Variants in SLC26A7 observed in about 807,000 individuals in gnomAD.
SLC26A7 encodes the protein solute carrier family 26 member 7, also known as anion exchange transporter.
SLC26A7 carries 59 observed loss-of-function variants against 82.5 expected under a neutral mutation model. The observed-to-expected ratio is 0.72, with a 90% CI of 0.58 to 0.89. The LOEUF (loss-of-function observed/expected upper bound fraction) is 0.89. Ranked by LOEUF, SLC26A7 falls within the 40% of genes least tolerant of loss-of-function variation. The pLI is 0.00. For synonymous variants in SLC26A7, 271 were observed against 274.3 expected (o/e 0.99, Z 0.12); for missense variants, 820 against 793.0 (o/e 1.03, Z -0.41).
chr8:91,327,919 A>G (rs1183624943), intron 5 of SLC26A7, among the ~76,000 whole-genome samples: 5 of 152,130 alleles, frequency 3.3e-5, no homozygotes, highest in Non-Finnish European at 2.9e-5. Flanking sequence ...TGTATTCATC[A>G]TTACTAGTGA....
intron 5 of SLC26A7, among the ~76,000 whole-genome samples, chr8:91,327,696 T>A (rs2130821289): frequency 6.6e-6 from 1 of 152,310 alleles, no homozygotes; most frequent in South Asian, 2.1e-4. Context: ...TACCTACTAT[T>A]AAAATAGTGT....
intron 2 of SLC26A7, among the ~76,000 whole-genome samples, chr8:91,251,522 A>G (rs1387666120): frequency 2.0e-5 from 3 of 152,104 alleles, no homozygotes; most frequent in African/African-American, 2.4e-5. Flanking sequence ...TTTAAAAACA[A>G]TTTTCTCAAA....
intron 15 of SLC26A7, among the ~76,000 whole-genome samples, chr8:91,381,899 C>G (rs1441883325): frequency 1.3e-5 from 2 of 152,100 alleles, no homozygotes. Context: ...ATTTTTACTT[C>G]TGTGACTCTG....
chr8:91,383,408 A>AC (rs921394118), intron 15 of SLC26A7, among the ~76,000 whole-genome samples: 2 of 152,152 alleles, frequency 1.3e-5, no homozygotes, highest in African/African-American at 4.8e-5. Flanking sequence ...GGTTTTGGGG[A>AC]CTACAGAATA....
chr8:91,334,253 G>C (rs756010235), intron 5 of SLC26A7, 42 bp from the exon 6 acceptor site: 4 of 1,567,724 alleles, frequency 2.6e-6, no homozygotes, highest in Non-Finnish European at 3.5e-6. Flanking sequence ...GTATATTATA[G>C]GTGACCCTGA....
chr8:91,288,606 T>A (rs1811774606), intron 2 of SLC26A7, among the ~76,000 whole-genome samples: 1 of 96,408 alleles, frequency 1.0e-5, no homozygotes, highest in South Asian at 3.9e-4. Context: ...ATGGGTTTAT[T>A]CATCGGCCCT....
At chr8:91,306,181 A>G (rs554957427) in intron 4 of SLC26A7, among the ~76,000 whole-genome samples, 1 of 152,190 alleles carries the variant, frequency 6.6e-6, no homozygotes, top group South Asian at 2.1e-4. Flanking sequence ...TCCTTTTTGA[A>G]TGCTTTCTAA....
intron 2 of SLC26A7, among the ~76,000 whole-genome samples, chr8:91,228,262 A>T (rs1423825563): frequency 6.6e-6 from 1 of 152,242 alleles, no homozygotes; most frequent in African/African-American, 2.4e-5. Context: ...TTAATACGAC[A>T]GCACGGTAGT....
intron 12 of SLC26A7, among the ~76,000 whole-genome samples, chr8:91,363,244 T>C (rs138488566): frequency 1.5e-3 from 224 of 152,172 alleles, no homozygotes; most frequent in Non-Finnish European, 2.7e-3. Context: ...CCACATCTAG[T>C]AGCTTGGAGA....
intron 11 of SLC26A7, 30 bp from the exon 12 acceptor site, chr8:91,362,323 C>A: frequency 6.4e-7 from 1 of 1,552,658 alleles, no homozygotes; most frequent in Non-Finnish European, 8.8e-7. Flanking sequence ...CCAAAGGATT[C>A]ACAACTTCTG....
chr8:91,349,934 AGTAG>A lies in SLC26A7; in HGVS notation c.1141-1875_1141-1872del, dbSNP rs558206771. On this transcript the variant is annotated intron_variant, in intron 9 of 18. Coordinates refer to ENST00000276609, the MANE Select transcript of SLC26A7 (RefSeq NM_052832.4). ...TCTGACACCTACCTCGTTGCAGTAT[AGTAG>A]AATGTCAGGCATCATATTTTATTGT... 6.8e-3 allele frequency among the ~76,000 whole-genome samples: 1,036 copies of A among 152,318 alleles called. 8 individuals carry two copies. Among genetic ancestry groups the A allele is most frequent in the Non-Finnish European group, 0.011 (779 of 68,030 alleles).
At chr8:91,250,242 A>G (rs1810621244) in intron 2 of SLC26A7, among the ~76,000 whole-genome samples, 1 of 152,110 alleles carries the variant, frequency 6.6e-6, no homozygotes, top group African/African-American at 2.4e-5. Flanking sequence ...GCAGCACACA[A>G]TTACCTGTTG....
At chr8:91,214,543 A>G (rs996822892) in intron 1 of SLC26A7, among the ~76,000 whole-genome samples, 1 of 152,168 alleles carries the variant, frequency 6.6e-6, no homozygotes, top group Non-Finnish European at 1.5e-5. Context: ...AATTTAGTGA[A>G]CTTAGATTCT....
chr8:91,394,981 G>C, intron 18 of SLC26A7, 81 bp from the exon 19 acceptor site: 4 of 1,486,114 alleles, frequency 2.7e-6, no homozygotes, highest in Non-Finnish European at 2.8e-6. Flanking sequence ...GCTTGCTTCA[G>C]TTACTACTGT....
intron 2 of SLC26A7, among the ~76,000 whole-genome samples, chr8:91,229,702 C>T (rs1266895239): frequency 6.6e-6 from 1 of 152,144 alleles, no homozygotes; most frequent in Non-Finnish European, 1.5e-5. Context: ...TTGGCAAATA[C>T]ATTCCCAAAC....
At chr8:91,338,424 G>C (rs562483673) in intron 7 of SLC26A7, among the ~76,000 whole-genome samples, 192 bp downstream of exon 7, 2 of 152,222 alleles carry the variant, frequency 1.3e-5, no homozygotes, top group African/African-American at 4.8e-5. Flanking sequence ...TACTAAGGAT[G>C]TTGATAATTG....
chr8:91,383,551 A>G (rs1814720349), intron 15 of SLC26A7, among the ~76,000 whole-genome samples: 1 of 152,216 alleles, frequency 6.6e-6, no homozygotes. Context: ...AGCGCATGAT[A>G]GAATAATCAA....
intron 18 of SLC26A7, chr8:91,394,716 T>G (rs1451478905): frequency 9.0e-7 from 1 of 1,110,122 alleles, no homozygotes; most frequent in African/African-American, 1.6e-5. Context: ...TAACATATAT[T>G]GAGTGCCCTC....
At chr8:91,306,591 T>C (rs1362290395) in intron 4 of SLC26A7, among the ~76,000 whole-genome samples, 2 of 152,180 alleles carry the variant, frequency 1.3e-5, no homozygotes, top group African/African-American at 2.4e-5. Flanking sequence ...AGTTGACATA[T>C]AACCCACACA....
Sources: allele counts gnomAD v4.1 joint callset (sites outside exome capture counted in the v4.1 genomes callset), GRCh38; gene constraint gnomAD v4.1.1; transcripts MANE v1.5; gene names NCBI Gene and HGNC (gene_info 2026-07-23, HGNC 2026-07-21).